PPFIA2: variants seen among roughly 807,000 people sequenced by gnomAD.
PPFIA2 encodes the protein liprin-alpha-2.
Under a neutral mutation model 175.5 loss-of-function variants are expected in PPFIA2, and 46 were observed. The observed-to-expected ratio is 0.26, with a 90% confidence interval of 0.21 to 0.34. The LOEUF is 0.34. Among genes scored for constraint, PPFIA2 ranks in the 10% least tolerant of loss-of-function variants. The pLI is 1.00. For synonymous variants in PPFIA2, 568 were observed against 511.4 expected, an observed-to-expected ratio of 1.11 and a Z score of -1.49; for missense variants, 1,179 against 1,506.1, an observed-to-expected ratio of 0.78 and a Z score of 3.60.
chr12:81,357,924 C>T (rs768505393), intron 16 of PPFIA2, among the ~76,000 whole-genome samples, 158 bp downstream of exon 16: 1 of 151,966 alleles, frequency 6.6e-6, no homozygotes, highest in Non-Finnish European at 1.5e-5. Context: ...ATAGTAGGGG[C>T]TTTATGTTAC....
chr12:81,638,984 G>T (rs1019392897), intron 4 of PPFIA2, among the ~76,000 whole-genome samples: 1 of 152,068 alleles, frequency 6.6e-6, no homozygotes, highest in Admixed American at 6.6e-5. Flanking sequence ...ACCGCGCCCG[G>T]CCTGTTTTGT....
At chr12:81,615,189 G>A (rs897505958) in intron 4 of PPFIA2, among the ~76,000 whole-genome samples, 1 of 152,196 alleles carries the variant, frequency 6.6e-6, no homozygotes, top group Non-Finnish European at 1.5e-5. Flanking sequence ...CAAGGGCTTT[G>A]GTCTGAGCAG....
intron 4 of PPFIA2, among the ~76,000 whole-genome samples, chr12:81,578,404 A>C (rs1567417608): frequency 6.6e-6 from 1 of 151,784 alleles, no homozygotes; most frequent in Non-Finnish European, 1.5e-5. Flanking sequence ...GAACATTAGA[A>C]TATCTTGTCT....
chr12:81,439,340 TATAG>T (rs1166847632), intron 7 of PPFIA2, among the ~76,000 whole-genome samples: 1 of 151,346 alleles, frequency 6.6e-6, no homozygotes, highest in Non-Finnish European at 1.5e-5. Flanking sequence ...GAGAGATAAA[TATAG>T]ATAGATACAT....
chr12:81,467,876 G>A (rs937287342), intron 4 of PPFIA2, among the ~76,000 whole-genome samples: 3 of 152,156 alleles, frequency 2.0e-5, no homozygotes, highest in Non-Finnish European at 2.9e-5. Flanking sequence ...CCTGACCCAG[G>A]TGGGAAGGAT....
At chr12:81,671,424 T>C (rs2153563473) in intron 4 of PPFIA2, among the ~76,000 whole-genome samples, 1 of 152,048 alleles carries the variant, frequency 6.6e-6, no homozygotes, top group African/African-American at 2.4e-5. Flanking sequence ...TCAGTTATTG[T>C]TATAATCTAG....
intron 4 of PPFIA2, among the ~76,000 whole-genome samples, chr12:81,647,669 G>A (rs2153527282): frequency 6.6e-6 from 1 of 150,908 alleles, no homozygotes; most frequent in Non-Finnish European, 1.5e-5. Flanking sequence ...GCTGAGGCAG[G>A]AGAATGGCGT....
At chr12:81,349,676 A>G (rs2059679018) in intron 17 of PPFIA2, among the ~76,000 whole-genome samples, 1 of 152,188 alleles carries the variant, frequency 6.6e-6, no homozygotes. Context: ...TGCTGTACAC[A>G]GAAATTTTGG....
intron 3 of PPFIA2, among the ~76,000 whole-genome samples, chr12:81,723,334 A>G (rs1232900105): frequency 6.6e-6 from 1 of 151,070 alleles, no homozygotes; most frequent in Non-Finnish European, 1.5e-5. Flanking sequence ...GCTGCCACAT[A>G]ATTTATGGTG....
At position 81,457,758 on chromosome 12, in the gene PPFIA2, C is replaced by T; in HGVS notation, c.405+7G>A. The T allele has an allele frequency of 6.4e-7, 1 of 1,573,056 alleles. No individual in the cohort carries two copies. The highest frequency in any genetic ancestry group is 8.7e-7 in the Non-Finnish European group (1 of 1,153,168). ...AATTAATTCCAAAAAGGCTGCTTTA[C>T]ACTTACTCTTGTGTTGTTTCTTTCA... On this transcript the variant is annotated splice_region_variant and intron_variant, in intron 5 of 32. Coordinates refer to ENST00000549396, the MANE Select transcript of PPFIA2 (RefSeq NM_003625.5).
chr12:81,706,314 T>A (rs922810120), intron 3 of PPFIA2, among the ~76,000 whole-genome samples: 11 of 152,328 alleles, frequency 7.2e-5, no homozygotes, highest in African/African-American at 2.6e-4. Flanking sequence ...TTTAAAAATA[T>A]GGTTCCATCT....
At chr12:81,725,770 AG>A (rs2079993242) in intron 3 of PPFIA2, among the ~76,000 whole-genome samples, 1 of 150,936 alleles carries the variant, frequency 6.6e-6, no homozygotes, top group Non-Finnish European at 1.5e-5. Context: ...TCAAGAAATA[AG>A]GGGGAGGAGA....
chr12:81,358,617 A>G (rs1308131949), intron 15 of PPFIA2, among the ~76,000 whole-genome samples: 1 of 152,118 alleles, frequency 6.6e-6, no homozygotes, highest in Non-Finnish European at 1.5e-5. Context: ...TGTTTTAAAT[A>G]TTTCTTATAC....
chr12:81,272,332 C>G (rs141243582), intron 28 of PPFIA2, among the ~76,000 whole-genome samples: 2 of 152,076 alleles, frequency 1.3e-5, no homozygotes, highest in African/African-American at 4.8e-5. Context: ...CTTATTGTCT[C>G]TTACCTCACC....
intron 11 of PPFIA2, 43 bp from the exon 12 acceptor site, chr12:81,369,237 G>A: frequency 4.4e-6 from 7 of 1,588,280 alleles, no homozygotes; most frequent in Non-Finnish European, 6.0e-6. Flanking sequence ...GTAAGATTTG[G>A]TTAACACTTT....
At chr12:81,563,461 G>A (rs977517996) in intron 4 of PPFIA2, among the ~76,000 whole-genome samples, 7 of 152,122 alleles carry the variant, frequency 4.6e-5, no homozygotes, top group Non-Finnish European at 8.8e-5. Context: ...CTTGCTTGTG[G>A]AAAAACGTGT....
At chr12:81,663,776 T>C (rs2069478864) in intron 4 of PPFIA2, among the ~76,000 whole-genome samples, 1 of 152,092 alleles carries the variant, frequency 6.6e-6, no homozygotes, top group Non-Finnish European at 1.5e-5. Flanking sequence ...TCACACTACC[T>C]GACTTCAAAC....
In PPFIA2 at chr12:81,475,910, A is replaced by G. The variant is rs545099854; in HGVS notation, c.304-18044T>C. ...GTATTTTTAGTAGAGACGGGGTTTC[A>G]CCTTGTTAGCCAGGATGGTCTCAAT... is the stretch of plus-strand genomic sequence containing the variant. On this transcript the variant is annotated intron_variant, in intron 4 of 32. Coordinates refer to ENST00000549396, the MANE Select transcript of PPFIA2 (RefSeq NM_003625.5). 1.2e-4 allele frequency among the ~76,000 whole-genome samples: 18 copies of G among 152,178 alleles called. No individual in the cohort carries two copies. The South Asian group carries it at 3.3e-3, about 28-fold the overall frequency.
intron 4 of PPFIA2, among the ~76,000 whole-genome samples, chr12:81,650,631 G>C (rs2066894206): frequency 6.6e-6 from 1 of 152,200 alleles, no homozygotes; most frequent in Non-Finnish European, 1.5e-5. Context: ...AAACTAGATT[G>C]CTGAGGTTGC....
Sources: allele counts gnomAD v4.1 joint callset (sites outside exome capture counted in the v4.1 genomes callset), GRCh38; gene constraint gnomAD v4.1.1; transcripts MANE v1.5; gene names NCBI Gene and HGNC (gene_info 2026-07-23, HGNC 2026-07-21).